Variants in NELL1 observed in about 807,000 individuals in gnomAD.
NELL1 encodes the protein neural EGFL like 1.
In NELL1, 76 loss-of-function variants were observed where a neutral mutation model predicts 107.4. The ratio of observed to expected loss-of-function variants is 0.71; its 90% CI spans 0.59 to 0.86. The LOEUF is 0.86. Among genes scored for constraint, NELL1 ranks in the 40% least tolerant of loss-of-function variants. The pLI is 0.00. For missense variants in NELL1, 1,024 were observed against 1,005.5 expected (o/e 1.02, Z -0.25); for synonymous variants, 353 against 341.2 (o/e 1.03, Z -0.38).
intron 4 of NELL1, among the ~76,000 whole-genome samples, chr11:20,857,078 G>T (rs1245909796): frequency 6.6e-6 from 1 of 152,146 alleles, no homozygotes; most frequent in African/African-American, 2.4e-5. Flanking sequence ...GTTTGTAAAA[G>T]GTATAACTGC....
chr11:21,256,117 G>C (rs966394821), intron 14 of NELL1, among the ~76,000 whole-genome samples: 1 of 151,734 alleles, frequency 6.6e-6, no homozygotes, highest in Non-Finnish European at 1.5e-5. Flanking sequence ...CATACCATCT[G>C]GTCCATAAAG....
At chr11:21,302,252 C>T (rs1365614067) in intron 14 of NELL1, among the ~76,000 whole-genome samples, 2 of 152,004 alleles carry the variant, frequency 1.3e-5, no homozygotes, top group Non-Finnish European at 2.9e-5. Context: ...AGCCTGAGGC[C>T]TCCCAGATGC....
At position 21,232,153 on chromosome 11, in the gene NELL1, A is replaced by T. The variant is rs1334915130; in HGVS notation, c.1549+2699A>T. Among the ~76,000 whole-genome samples the T allele has an allele frequency of 4.1e-4, 10 of 24,106 alleles. 1 individual carries two copies. Among genetic ancestry groups the T allele is most frequent in the Admixed American group, 4.9e-4 (1 of 2,024 alleles). 15.8% of individuals were successfully genotyped at this position (24,106 alleles called of 152,430 possible). ...CATCTCTACTAAAAAAAAATAAAAA[A>T]AAAAAAATATATATATATATATATA... On this transcript the variant is annotated intron_variant, in intron 14 of 19. Transcript: ENST00000357134.
At chr11:21,369,617 T>A (rs141308465) in intron 14 of NELL1, among the ~76,000 whole-genome samples, 123 of 152,220 alleles carry the variant, frequency 8.1e-4, no homozygotes, top group African/African-American at 2.9e-3. Flanking sequence ...GAAGTTACAC[T>A]CATATTAATT....
At chr11:21,206,079 T>C (rs1160182897) in intron 13 of NELL1, among the ~76,000 whole-genome samples, 2 of 152,196 alleles carry the variant, frequency 1.3e-5, no homozygotes, top group African/African-American at 4.8e-5. Context: ...AGGGCTTCTA[T>C]AACAAATTGT....
intron 3 of NELL1, among the ~76,000 whole-genome samples, chr11:20,819,427 C>T (rs1004086237): frequency 2.0e-5 from 3 of 152,112 alleles, no homozygotes; most frequent in African/African-American, 2.4e-5. Flanking sequence ...TGAAAAAGGC[C>T]GTTGTTTACA....
intron 14 of NELL1, among the ~76,000 whole-genome samples, chr11:21,336,674 T>TATATACACAC (rs55720144): frequency 1.5e-3 from 193 of 130,512 alleles, no homozygotes; most frequent in Middle Eastern, 4.0e-3. Flanking sequence ...TATATATATA[T>TATATACACAC]ACACACACAC....
chr11:21,139,296 T>G (rs1215841435), intron 13 of NELL1, among the ~76,000 whole-genome samples: 4 of 152,196 alleles, frequency 2.6e-5, no homozygotes, highest in African/African-American at 9.7e-5. Context: ...AGTCTCTAGT[T>G]ATCCATCCTA....
intron 15 of NELL1, among the ~76,000 whole-genome samples, chr11:21,477,652 T>C (rs1379231312): frequency 2.0e-5 from 3 of 151,622 alleles, no homozygotes; most frequent in Admixed American, 6.6e-5. Flanking sequence ...ACAATGAACA[T>C]CCACAAGCAT....
intron 16 of NELL1, among the ~76,000 whole-genome samples, chr11:21,545,516 G>A (rs189053020): frequency 6.6e-6 from 1 of 152,080 alleles, no homozygotes; most frequent in Non-Finnish European, 1.5e-5. Context: ...CTAAAAAGGT[G>A]CTTTGTAGTG....
intron 3 of NELL1, among the ~76,000 whole-genome samples, chr11:20,800,874 T>C (rs1857268087): frequency 6.6e-6 from 1 of 152,166 alleles, no homozygotes; most frequent in Non-Finnish European, 1.5e-5. Context: ...GACTAAATGT[T>C]GAAACTGCAG....
chr11:20,723,209 TCCTAA>T (rs1367884924), intron 2 of NELL1, among the ~76,000 whole-genome samples: 9 of 152,126 alleles, frequency 5.9e-5, no homozygotes, highest in Admixed American at 5.2e-4. Flanking sequence ...AATCATGCCT[TCCTAA>T]CTGTTCTGTA....
intron 14 of NELL1, among the ~76,000 whole-genome samples, chr11:21,281,836 C>T (rs1849002439): frequency 6.6e-6 from 1 of 152,122 alleles, no homozygotes; most frequent in African/African-American, 2.4e-5. Flanking sequence ...TCGTCATATA[C>T]AAAAATAAAT....
At chr11:20,751,857 C>T (rs1266560743) in intron 2 of NELL1, among the ~76,000 whole-genome samples, 3 of 152,116 alleles carry the variant, frequency 2.0e-5, no homozygotes, top group African/African-American at 7.2e-5. Flanking sequence ...ACTTAACTTT[C>T]ATTTTTATTG....
At chr11:20,965,387 A>C (rs1227950614) in intron 12 of NELL1, among the ~76,000 whole-genome samples, 2 of 152,188 alleles carry the variant, frequency 1.3e-5, no homozygotes, top group African/African-American at 2.4e-5. Flanking sequence ...GTTTATGAGG[A>C]TCTTTCTTGG....
intron 2 of NELL1, among the ~76,000 whole-genome samples, chr11:20,702,976 T>C (rs1036568586): frequency 1.6e-4 from 24 of 152,186 alleles, no homozygotes; most frequent in Non-Finnish European, 1.8e-4. Context: ...TTCTCTTTTT[T>C]TGTTGTGTCT....
chr11:21,292,026 T>A (rs1051915022), intron 14 of NELL1, among the ~76,000 whole-genome samples: 5 of 152,188 alleles, frequency 3.3e-5, no homozygotes, highest in African/African-American at 1.2e-4. Flanking sequence ...AGGACAAGGA[T>A]GCCCTCTCTC....
At position 20,905,354 on chromosome 11, in the gene NELL1, C is replaced by T. The variant is rs1472910986; in HGVS notation, c.604-12828C>T. 2.6e-5 allele frequency among the ~76,000 whole-genome samples: 4 copies of T among 152,088 alleles called. No homozygotes were observed. In the East Asian group the frequency reaches 7.7e-4, roughly 29 times the overall value. On this transcript the variant is annotated intron_variant, in intron 5 of 19. Coordinates refer to ENST00000357134, the MANE Select transcript of NELL1 (RefSeq NM_006157.5). ...TAATACATTATAACATCCAAATGTT[C>T]AGTGTTCAAATAAAGTCACAGGCAA...
At chr11:21,164,917 C>T (rs1366141438) in intron 13 of NELL1, among the ~76,000 whole-genome samples, 2 of 152,118 alleles carry the variant, frequency 1.3e-5, no homozygotes, top group Non-Finnish European at 2.9e-5. Context: ...CCAGTATCTT[C>T]TTTATTTTCT....
Sources: allele counts gnomAD v4.1 joint callset (sites outside exome capture counted in the v4.1 genomes callset), GRCh38; gene constraint gnomAD v4.1.1; transcripts MANE v1.5; gene names NCBI Gene and HGNC (gene_info 2026-07-23, HGNC 2026-07-21).